Variants in PRMT5 observed in about 807,000 individuals in gnomAD.
PRMT5 encodes the protein protein arginine methyltransferase 5.
PRMT5 carries 15 observed loss-of-function variants against 84.0 expected under a neutral mutation model. The ratio of observed to expected loss-of-function variants is 0.18; its 90% CI spans 0.12 to 0.28. The LOEUF (loss-of-function observed/expected upper bound fraction) is 0.28, where lower values mean the gene tolerates loss of function less well. Ranked by LOEUF, PRMT5 falls within the 10% of genes least tolerant of loss-of-function variation. PRMT5 has a pLI of 1.00. For synonymous variants in PRMT5, 276 were observed against 292.4 expected, an observed-to-expected ratio of 0.94 and a Z score of 0.57; for missense variants, 486 against 808.0, an observed-to-expected ratio of 0.60 and a Z score of 4.83.
At position 22,925,152 on chromosome 14, in the gene PRMT5, T is replaced by TC. The variant is rs1491435406; in HGVS notation, c.778-113_778-112insG. 3.9e-5 allele frequency: 27 copies of TC among 690,294 alleles called. No individual in the cohort carries two copies. The African/African-American group carries it at 6.5e-4, about 17-fold the overall frequency. The allele number at this position is 690,294 out of a possible 1,614,324, so 42.8% of individuals were successfully genotyped here. A position where few individuals can be genotyped will look rare whatever the true frequency, so the allele number is the denominator to read the frequency against. On this transcript the variant is annotated intron_variant, in intron 7 of 16. Transcript: ENST00000324366. ...AATAAGGCCCAGATCAACAGTTCTCTTTTTTTTTTTTTTTAAAAAAAAAGA... is the reference window on the plus strand; with the variant it reads ...AATAAGGCCCAGATCAACAGTTCTCTCTTTTTTTTTTTTTTAAAAAAAAAGA...
chr14:22,928,332 T>C lies in PRMT5; in HGVS notation c.230-121A>G. 8.3e-7 allele frequency: 1 copy of C among 1,202,064 alleles called. No individual in the cohort carries two copies. The allele number at this position is 1,202,064 out of a possible 1,614,324, so 74.5% of individuals were successfully genotyped here. A position where few individuals can be genotyped will look rare whatever the true frequency, so the allele number is the denominator to read the frequency against. On this transcript the variant is annotated intron_variant, in intron 2 of 16. Coordinates refer to ENST00000324366, the MANE Select transcript of PRMT5 (RefSeq NM_006109.5). This position sits in a 1 kb window ranked among gnomAD's most constrained non-coding sequence, Gnocchi z 4.8. ...GACAAAGGTTTTTTCTACATAGACA[T>C]GGGATAGCCTGATGCAGAATAGAGA...
chr14:22,929,367 T>C lies in PRMT5; in HGVS notation c.-6A>G. 1.9e-6 allele frequency: 3 copies of C among 1,604,766 alleles called. No homozygotes were observed. The highest frequency in any genetic ancestry group is 2.5e-6 in the Non-Finnish European group (3 of 1,177,294). Reference sequence around the variant, plus strand: ...CCGACCGCCATCGCCGCCATCTTTCTCCTCGCGCTGTCCACGCCGGGATTC... The same window carrying C: ...CCGACCGCCATCGCCGCCATCTTTCCCCTCGCGCTGTCCACGCCGGGATTC... On this transcript the variant is annotated 5_prime_UTR_variant, in exon 1 of 17. Transcript: ENST00000324366.
At chr14:22,927,707 CTTTT>C (rs35227863) in intron 3 of PRMT5, 47 bp from the exon 4 acceptor site, 1,817 of 1,350,098 alleles carry the variant, frequency 1.3e-3, no homozygotes, top group East Asian at 2.2e-3. Context: ...AAGCAAACAG[CTTTT>C]TTTTTTTTTT....
intron 5 of PRMT5, 29 bp downstream of exon 5, chr14:22,926,673 C>A (rs747976707): frequency 6.2e-7 from 1 of 1,605,422 alleles, no homozygotes; most frequent in Non-Finnish European, 8.5e-7. Flanking sequence ...ATCCCTTGCA[C>A]CCTGGTACAG....
chr14:22,927,995 C>T (rs1365331522), intron 3 of PRMT5, 131 bp downstream of exon 3: 3 of 837,440 alleles, frequency 3.6e-6, no homozygotes, highest in Non-Finnish European at 5.6e-6. Context: ...AGGTGTGCAC[C>T]ACAGCACCCA....
At chr14:22,921,187 C>T (rs2044289091) in intron 16 of PRMT5, 131 bp from the exon 17 acceptor site, 1 of 1,106,244 alleles carries the variant, frequency 9.0e-7, no homozygotes, top group African/African-American at 1.5e-5. Flanking sequence ...TTATTTGAAG[C>T]CTATCAGAAC....
chr14:22,920,758 A>G lies in PRMT5; in HGVS notation c.*146T>C. On this transcript the variant is annotated 3_prime_UTR_variant, in exon 17 of 17. Transcript: ENST00000324366. ...TGCAATTAATTATAATCCCTTGCCC[A>G]CCTTGATGTAAGGCAGGAAAGCAGA... 8.4e-7 allele frequency: 1 copy of G among 1,190,120 alleles called. No individual in the cohort carries two copies. The highest frequency in any genetic ancestry group is 1.2e-6 in the Non-Finnish European group (1 of 800,556). The allele number at this position is 1,190,120 out of a possible 1,614,324, so 73.7% of individuals were successfully genotyped here.
In PRMT5 at chr14:22,926,578, G is replaced by A. The variant is rs371766975; in HGVS notation, c.564-23C>T. 19 of 1,613,866 alleles carry A rather than the reference G, an allele frequency of 1.2e-5. No individual in the cohort carries two copies. In the African/African-American group the frequency reaches 2.4e-4, roughly 20 times the overall value. On this transcript the variant is annotated intron_variant, in intron 5 of 16. Transcript: ENST00000324366. ...CACCTGTTCAGTCAAATACAGAAAA[G>A]TACAGTAAACTAGATATGGCCGACC... is the stretch of plus-strand genomic sequence containing the variant.
At chr14:22,927,438 C>A in intron 4 of PRMT5, 88 bp downstream of exon 4, 9 of 1,548,500 alleles carry the variant, frequency 5.8e-6, no homozygotes, top group Non-Finnish European at 8.0e-6. Context: ...GCCAAACACA[C>A]CCTTCACTGA....
Position 22,926,120 on chromosome 14 carries a change from T to A in PRMT5, c.777+13A>T. On this transcript the variant is annotated intron_variant, in intron 7 of 16. Coordinates refer to ENST00000324366, the MANE Select transcript of PRMT5 (RefSeq NM_006109.5). ...TATAGCTGGACTACCTTTAGAACCC[T>A]CCTACCACTCACCTTGAGGAGCCGG... is the stretch of plus-strand genomic sequence containing the variant. The A allele has an allele frequency of 6.3e-7, 1 of 1,598,730 alleles. No individual in the cohort carries two copies. Among genetic ancestry groups the A allele is most frequent in the Non-Finnish European group, 8.6e-7 (1 of 1,166,220 alleles).
chr14:22,924,313 T>A lies in PRMT5; in HGVS notation c.1156A>T (p.Ile386Leu). The change falls in exon 11 of 17, where the codon ATA (isoleucine) becomes TTA (leucine). Residue 386 changes from isoleucine to leucine, a missense_variant. Physicochemically the swap from Ile to Leu is conservative, Grantham distance 5. Around this residue, in one of 4 missense-constraint regions of PRMT5, gnomAD observed 219 missense variants for 433.6 expected, o/e 0.51. Coordinates refer to ENST00000324366, the MANE Select transcript of PRMT5 (RefSeq NM_006109.5). This position sits in a 1 kb window ranked among gnomAD's most constrained non-coding sequence, Gnocchi z 6.5. ...TTTTTCTCCACAGCATACAGCTTTA[T>A]CCGCCGGTCGGCCTGCTTGGCTGCC... ...LRAAKQADRR[I>L]KLYAVEKNPN... The A allele has an allele frequency of 6.2e-7, 1 of 1,614,174 alleles. No individual in the cohort carries two copies. Among genetic ancestry groups the A allele is most frequent in the South Asian group, 1.1e-5 (1 of 91,088 alleles).
At chr14:22,927,002 G>A (rs534514365) in intron 4 of PRMT5, 188 bp from the exon 5 acceptor site, 159 of 571,680 alleles carry the variant, frequency 2.8e-4, no homozygotes, top group African/African-American at 2.3e-3. Flanking sequence ...CTTGTCTTAC[G>A]TAAGTTTCCA....
Position 22,923,896 on chromosome 14 carries a change from C to T in PRMT5, c.1375+112G>A. ...AGGCAGTGAAGCAGTGGCTCTCAAA[C>T]TCATATGATGTGACCCAGGTCCAAC... On this transcript the variant is annotated intron_variant, in intron 12 of 16. Transcript: ENST00000324366. The surrounding 1 kb of genome is among the most constrained non-coding windows in gnomAD (Gnocchi z 5.2). The T allele has an allele frequency of 8.3e-7, 1 of 1,203,466 alleles. No homozygotes were observed. Among genetic ancestry groups the T allele is most frequent in the Non-Finnish European group, 1.1e-6 (1 of 874,622 alleles). 74.5% of individuals were successfully genotyped at this position (1,203,466 alleles called of 1,614,324 possible).
chr14:22,927,047 C>A, intron 4 of PRMT5: 2 of 524,916 alleles, frequency 3.8e-6, no homozygotes, highest in Non-Finnish European at 3.4e-6. Flanking sequence ...AAACTCTCTT[C>A]ATACCACTTT....
At chr14:22,925,600 A>C (rs546280664) in intron 7 of PRMT5, among the ~76,000 whole-genome samples, 18 of 152,028 alleles carry the variant, frequency 1.2e-4, no homozygotes, top group Admixed American at 6.5e-4. Context: ...CGGGTGGATC[A>C]TTTGAGGTCA....
chr14:22,920,643 G>A lies in PRMT5; in HGVS notation c.*261C>T, dbSNP rs555734879. ...CCCATGTTCTCAGGGATATTCCAGG[G>A]AGTTCTTGAGGCTGAGTGCGTAGCT... On this transcript the variant is annotated 3_prime_UTR_variant, in exon 17 of 17. Transcript: ENST00000324366. 2.1e-5 allele frequency: 14 copies of A among 680,972 alleles called. No homozygotes were observed. The highest frequency in any genetic ancestry group is 1.8e-4 in the South Asian group (12 of 66,476). The allele number at this position is 680,972 out of a possible 1,614,324, so 42.2% of individuals were successfully genotyped here. A position where few individuals can be genotyped will look rare whatever the true frequency, so the allele number is the denominator to read the frequency against.
At position 22,926,180 on chromosome 14, in the gene PRMT5, G is replaced by A; in HGVS notation, c.730C>T (p.Pro244Ser). Residue 244 changes from proline to serine, a missense_variant, in exon 7 of 17, where the codon CCT (proline) becomes TCT (serine). By Grantham distance (74) the Pro-to-Ser change is moderately conservative. This residue lies in a region of PRMT5 where 215 missense variants were observed against 301.1 expected (regional missense o/e 0.71). Transcript: ENST00000324366. ...CTCTGGTGCATCTTAGAAAGAACAG[G>A]AAATCCCTTCTTATTGGTCAGGAAA... ...SIFLTNKKGF[P>S]VLSKMHQRLI... The A allele has an allele frequency of 1.2e-6, 2 of 1,613,210 alleles. No individual in the cohort carries two copies. The highest frequency in any genetic ancestry group is 1.7e-6 in the Non-Finnish European group (2 of 1,179,220).
intron 5 of PRMT5, 73 bp downstream of exon 5, chr14:22,926,629 C>A: frequency 6.3e-7 from 1 of 1,598,922 alleles, no homozygotes; most frequent in Non-Finnish European, 8.6e-7. Context: ...AGGAGACCTC[C>A]CTACAGGTTG....
Position 22,928,236 on chromosome 14 carries a change from C to T in PRMT5, c.230-25G>A, listed in dbSNP as rs1386173395. 1.9e-6 allele frequency: 3 copies of T among 1,606,614 alleles called. No homozygotes were observed. Among genetic ancestry groups the T allele is most frequent in the Non-Finnish European group, 2.6e-6 (3 of 1,173,590 alleles). On this transcript the variant is annotated intron_variant, in intron 2 of 16. Coordinates refer to ENST00000324366, the MANE Select transcript of PRMT5 (RefSeq NM_006109.5). The surrounding 1 kb of genome is among the most constrained non-coding windows in gnomAD (Gnocchi z 4.8). The stretch of plus-strand genomic sequence containing the variant: ...TCTGCACTCCCCCACCCAAGAAAGA[C>T]AAATACTGAATAAGGTTCAGCACTT...
Sources: gnomAD v4.1 joint callset for allele counts (sites outside exome capture counted in the v4.1 genomes callset) on GRCh38, gnomAD v4.1.1 for gene constraint, gnomAD v4.1.1 regional missense constraint, Gnocchi (gnomAD v3.1) non-coding constraint, MANE v1.5 for transcripts, NCBI Gene and HGNC (gene_info 2026-07-23, HGNC 2026-07-21) for gene names.